The following EFCAB6 variants were observed in gnomAD, a reference collection of about 807,000 sequenced individuals.
The protein encoded by EFCAB6 is EF-hand calcium binding domain 6, also known as EF-hand calcium-binding domain-containing protein 6.
Under a neutral mutation model 169.8 loss-of-function variants are expected in EFCAB6, and 156 were observed. The ratio of observed to expected loss-of-function variants is 0.92; its 90% CI spans 0.81 to 1.05. The LOEUF (loss-of-function observed/expected upper bound fraction) is 1.05, where lower values mean the gene tolerates loss of function less well. EFCAB6 is among the 50% of genes least tolerant of loss of function. The probability of loss-of-function intolerance (pLI) is 0.00; values close to 1 mark genes in which losing one functional copy is unlikely to be tolerated. For synonymous variants in EFCAB6, 698 were observed against 676.4 expected (o/e 1.03, Z -0.50); for missense variants, 1,800 against 1,829.1 (o/e 0.98, Z 0.29).
Position 43,653,383 on chromosome 22 carries a change from T to C in EFCAB6, c.1983+13721A>G, listed in dbSNP as rs181739445. The stretch of plus-strand genomic sequence containing the variant: ...ATGGTTGATTTATCAACAAAACTGA[T>C]AGAAGACATAGACCATGGAACGGTA... On this transcript the variant is annotated intron_variant, in intron 17 of 31. Transcript: ENST00000262726. 2.8e-3 allele frequency among the ~76,000 whole-genome samples: 433 copies of C among 152,290 alleles called. 2 individuals carry two copies. Among genetic ancestry groups the C allele is most frequent in the Middle Eastern group, 0.027 (8 of 294 alleles).
At chr22:43,592,472 A>G (rs750601497) in intron 23 of EFCAB6, among the ~76,000 whole-genome samples, 24 of 152,246 alleles carry the variant, frequency 1.6e-4, no homozygotes, top group Middle Eastern at 3.2e-3. Flanking sequence ...TTTGAGATAC[A>G]TATTTTTAGA....
intron 10 of EFCAB6, among the ~76,000 whole-genome samples, chr22:43,689,349 G>GCGCACACA (rs1556091576): frequency 6.8e-6 from 1 of 146,962 alleles, no homozygotes; most frequent in Non-Finnish European, 1.5e-5. Context: ...GAGAGCACGT[G>GCGCACACA]CACACACACA....
intron 13 of EFCAB6, among the ~76,000 whole-genome samples, chr22:43,675,563 C>A (rs2057718594): frequency 7.0e-6 from 1 of 141,970 alleles, no homozygotes; most frequent in African/African-American, 2.6e-5. Flanking sequence ...CTATATATAT[C>A]CAGATATAGT....
At chr22:43,727,600 G>A (rs1603287642) in intron 8 of EFCAB6, among the ~76,000 whole-genome samples, 1 of 152,296 alleles carries the variant, frequency 6.6e-6, no homozygotes, top group East Asian at 1.9e-4. Flanking sequence ...AAAGTACAAT[G>A]CAGGGCAGCA....
At chr22:43,615,959 A>C in intron 20 of EFCAB6, 37 bp from the exon 21 acceptor site, 1 of 1,548,538 alleles carries the variant, frequency 6.5e-7, no homozygotes, top group Non-Finnish European at 8.8e-7. Flanking sequence ...CTGTGTTTAA[A>C]TTTAATGGGC....
At chr22:43,736,530 G>A (rs1381019455) in intron 6 of EFCAB6, among the ~76,000 whole-genome samples, 2 of 152,138 alleles carry the variant, frequency 1.3e-5, no homozygotes, top group African/African-American at 4.8e-5. Context: ...GATAGGCCCT[G>A]TGGATCTGCA....
Position 43,805,606 on chromosome 22 carries a change from T to C in EFCAB6, c.-8+3389A>G, listed in dbSNP as rs532759295. 3.9e-5 allele frequency among the ~76,000 whole-genome samples: 6 copies of C among 152,270 alleles called. No individual in the cohort carries two copies. In the South Asian group the frequency reaches 6.2e-4, roughly 16 times the overall value. ...GATTAATGGGTACAAATATATGGTC[T>C]GATAGAAGAAATAACACCTAGTGTT... On this transcript the variant is annotated intron_variant, in intron 2 of 31. Coordinates refer to ENST00000262726, the MANE Select transcript of EFCAB6 (RefSeq NM_022785.4).
At chr22:43,591,450 C>G (rs2051545972) in intron 23 of EFCAB6, among the ~76,000 whole-genome samples, 1 of 140,704 alleles carries the variant, frequency 7.1e-6, no homozygotes, top group African/African-American at 2.6e-5. Flanking sequence ...GAGCAAGACT[C>G]TGTCTTATAA....
rs571679900 is a variant in EFCAB6 at position 43,784,676 on chromosome 22, TACACACACAC to T, written c.-7-2361_-7-2352del. ...ATGTGTATATATACATATACATATA[TACACACACAC>T]ACACACACACACACACACACACACA... On this transcript the variant is annotated intron_variant, in intron 2 of 31. Coordinates refer to ENST00000262726, the MANE Select transcript of EFCAB6 (RefSeq NM_022785.4). Among the ~76,000 whole-genome samples the T allele has an allele frequency of 9.8e-4, 62 of 63,122 alleles. 1 individual carries two copies. The highest frequency in any genetic ancestry group is 6.6e-3 in the Admixed American group (27 of 4,086). The allele number at this position is 63,122 out of a possible 152,430, so 41.4% of individuals were successfully genotyped here. A position where few individuals can be genotyped will look rare whatever the true frequency, so the allele number is the denominator to read the frequency against.
At chr22:43,586,929 G>A (rs563614753) in intron 24 of EFCAB6, among the ~76,000 whole-genome samples, 55 of 152,290 alleles carry the variant, frequency 3.6e-4, no homozygotes, top group Admixed American at 1.1e-3. Context: ...GGAGTATGTG[G>A]AAGAAGAGAA....
chr22:43,734,737 A>G (rs183293474), intron 7 of EFCAB6, among the ~76,000 whole-genome samples: 44 of 151,664 alleles, frequency 2.9e-4, no homozygotes, highest in African/African-American at 1.1e-3. Context: ...TATAAAGAGA[A>G]AAAAAAAAGA....
At chr22:43,542,134 T>C (rs1047943821) in intron 27 of EFCAB6, among the ~76,000 whole-genome samples, 2 of 152,208 alleles carry the variant, frequency 1.3e-5, no homozygotes, top group African/African-American at 4.8e-5. Flanking sequence ...AGGCAGAAGA[T>C]CATGCCGTGA....
At chr22:43,778,681 A>T (rs2061715027) in intron 3 of EFCAB6, among the ~76,000 whole-genome samples, 1 of 152,190 alleles carries the variant, frequency 6.6e-6, no homozygotes, top group Non-Finnish European at 1.5e-5. Flanking sequence ...CAGTGCTCAC[A>T]CCTCAAAGAC....
At chr22:43,551,686 G>T (rs889656505) in intron 27 of EFCAB6, among the ~76,000 whole-genome samples, 6 of 152,102 alleles carry the variant, frequency 3.9e-5, no homozygotes, top group African/African-American at 1.2e-4. Flanking sequence ...ACAGGCCCCA[G>T]TGTGTGTTGT....
chr22:43,608,802 G>A (rs898076092), intron 21 of EFCAB6, among the ~76,000 whole-genome samples: 2 of 152,176 alleles, frequency 1.3e-5, no homozygotes, highest in Non-Finnish European at 2.9e-5. Context: ...TGAGAATTAG[G>A]GGTCGGAAGG....
chr22:43,570,871 C>A (rs2049818258), intron 26 of EFCAB6, among the ~76,000 whole-genome samples: 1 of 152,184 alleles, frequency 6.6e-6, no homozygotes, highest in Non-Finnish European at 1.5e-5. Context: ...AGGATGAGCC[C>A]CAGGCCTTCT....
intron 12 of EFCAB6, among the ~76,000 whole-genome samples, chr22:43,678,596 A>G (rs1353046145): frequency 6.6e-6 from 1 of 152,186 alleles, no homozygotes; most frequent in East Asian, 1.9e-4. Context: ...ATTTAGTAAG[A>G]ATAAATTATG....
intron 17 of EFCAB6, among the ~76,000 whole-genome samples, chr22:43,642,982 C>T (rs1410419852): frequency 6.6e-6 from 1 of 152,184 alleles, no homozygotes; most frequent in Non-Finnish European, 1.5e-5. Context: ...CCACGGTGTG[C>T]CTGATTACAG....
chr22:43,579,367 T>TAGGCATCATTCCCTACACGC (rs1602389620), intron 25 of EFCAB6, among the ~76,000 whole-genome samples: 33 of 105,048 alleles, frequency 3.1e-4, no homozygotes, highest in Admixed American at 2.2e-3. Context: ...TCCCTACACA[T>TAGGCATCATTCCCTACACGC]AGGCATCATT....
Sources: allele counts gnomAD v4.1 joint callset (sites outside exome capture counted in the v4.1 genomes callset), GRCh38; gene constraint gnomAD v4.1.1; transcripts MANE v1.5; gene names NCBI Gene and HGNC (gene_info 2026-07-23, HGNC 2026-07-21).